Variants in FER1L5 observed in about 807,000 individuals in gnomAD.
FER1L5 encodes fer-1 like family member 5.
FER1L5 carries 187 observed loss-of-function variants against 279.9 expected under a neutral mutation model. That is an observed-to-expected ratio of 0.67 (90% CI 0.59 to 0.75). The LOEUF (loss-of-function observed/expected upper bound fraction) is 0.75. Among genes scored for constraint, FER1L5 ranks in the 30% least tolerant of loss-of-function variants. The probability of loss-of-function intolerance (pLI) is 0.00; values close to 1 mark genes in which losing one functional copy is unlikely to be tolerated. For missense variants in FER1L5, 2,091 were observed against 2,594.4 expected (o/e 0.81, Z 4.21); for synonymous variants, 921 against 989.7 (o/e 0.93, Z 1.30).
Position 96,694,049 on chromosome 2 carries a change from T to G in FER1L5, c.3613T>G (p.Cys1205Gly), listed in dbSNP as rs2077262778. ...GGAAGAGGGCGAGATCTTGGCATCC[T>G]GTGAGCTGATCCTCCAGACTGAGGT... ...GKEEGEILAS[C>G]ELILQTEKLG... The change falls in exon 33 of 53, where the codon TGT becomes GGT. Residue 1205 changes from cysteine to glycine, a missense_variant. Physicochemically the swap from Cys to Gly is radical, Grantham distance 159 (BLOSUM62 -3). Coordinates refer to ENST00000624922, the MANE Select transcript of FER1L5 (RefSeq NM_001293083.2). This position sits in a 1 kb window ranked among gnomAD's most constrained non-coding sequence, Gnocchi z 4.6. 1 of 1,544,596 alleles carries G rather than the reference T, an allele frequency of 6.5e-7. No homozygotes were observed. Among genetic ancestry groups the G allele is most frequent in the Admixed American group, 2.0e-5 (1 of 50,984 alleles).
At chr2:96,659,341 C>CTTT (rs2075763588) in intron 9 of FER1L5, among the ~76,000 whole-genome samples, 1 of 82,534 alleles carries the variant, frequency 1.2e-5, no homozygotes, top group Non-Finnish European at 2.3e-5. Context: ...TTCCTTCCTT[C>CTTT]CTTCCTTCCT....
In FER1L5 at chr2:96,702,943, C is replaced by T. The variant is rs961678466; in HGVS notation, c.5398-35C>T. On this transcript the variant is annotated intron_variant, in intron 48 of 52. Transcript: ENST00000624922. The surrounding 1 kb of genome is among the most constrained non-coding windows in gnomAD (Gnocchi z 4.0). ...GGGTGCAAGGGAAACGTCCAGGAGA[C>T]AGGCCGGTAACACGCCCTTCCGCCA... 1 of 1,587,734 alleles carries T rather than the reference C, an allele frequency of 6.3e-7. No homozygotes were observed. The highest frequency in any genetic ancestry group is 1.1e-5 in the South Asian group (1 of 87,472).
In FER1L5 at chr2:96,671,920, G is replaced by A. The variant is rs114380951; in HGVS notation, c.1492-1157G>A. 8.6e-4 allele frequency among the ~76,000 whole-genome samples: 131 copies of A among 152,242 alleles called. 1 individual carries two copies. The highest frequency in any genetic ancestry group is 3.1e-3 in the African/African-American group (129 of 41,538). On this transcript the variant is annotated intron_variant, in intron 18 of 52. Transcript: ENST00000624922. Reference sequence around the variant, plus strand: ...TCAGGAGAGAAGCTGGGCTGCCATAGATGGGAGGGAGAGGTAGGAGCCAGT... The same window carrying A: ...TCAGGAGAGAAGCTGGGCTGCCATAAATGGGAGGGAGAGGTAGGAGCCAGT...
chr2:96,703,140 T>C lies in FER1L5; in HGVS notation c.5498-13T>C. ...GGAGCTCCTTCTTGCTGATGTCATT[T>C]TTCTGGGCTCAGGGGTCCTGGAGCT... On this transcript the variant is annotated splice_polypyrimidine_tract_variant and intron_variant, in intron 49 of 52. Coordinates refer to ENST00000624922, the MANE Select transcript of FER1L5 (RefSeq NM_001293083.2). The C allele has an allele frequency of 6.2e-7, 1 of 1,612,636 alleles. No homozygotes were observed. The highest frequency in any genetic ancestry group is 8.5e-7 in the Non-Finnish European group (1 of 1,178,844).
intron 20 of FER1L5, 118 bp from the exon 21 acceptor site, chr2:96,685,210 AT>A (rs1313749058): frequency 1.1e-5 from 9 of 797,322 alleles, no homozygotes; most frequent in Non-Finnish European, 1.9e-5. Flanking sequence ...TCACCAGGTT[AT>A]CCCTCAAAGT....
chr2:96,656,130 A>G (rs2075588925), intron 9 of FER1L5, among the ~76,000 whole-genome samples: 1 of 152,132 alleles, frequency 6.6e-6, no homozygotes, highest in Non-Finnish European at 1.5e-5. Flanking sequence ...CTTCGCCTTC[A>G]CCGCTGGATT....
Position 96,702,784 on chromosome 2 carries a change from A to G in FER1L5, c.5397+43A>G, listed in dbSNP as rs1196836767. 2 of 1,606,214 alleles carry G rather than the reference A, an allele frequency of 1.2e-6. No individual in the cohort carries two copies. Among genetic ancestry groups the G allele is most frequent in the Admixed American group, 1.7e-5 (1 of 58,950 alleles). On this transcript the variant is annotated intron_variant, in intron 48 of 52. Transcript: ENST00000624922. The surrounding 1 kb of genome is among the most constrained non-coding windows in gnomAD (Gnocchi z 4.0). ...TGAGGGGCAACAGGCCACAACAAAC[A>G]GACCCAGGCTCCTGGAGCTCCTCCC...
At position 96,684,324 on chromosome 2, in the gene FER1L5, C is replaced by T; in HGVS notation, c.1670-3C>T. On this transcript the variant is annotated splice_region_variant and splice_polypyrimidine_tract_variant and intron_variant, in intron 19 of 52. Coordinates refer to ENST00000624922, the MANE Select transcript of FER1L5 (RefSeq NM_001293083.2). ...CATCCCTCCATGTGTCTCTGTGTCT[C>T]AGGGAACATCTACCATTATGTGCCC... 2 of 1,551,216 alleles carry T rather than the reference C, an allele frequency of 1.3e-6. No homozygotes were observed. Among genetic ancestry groups the T allele is most frequent in the Non-Finnish European group, 1.7e-6 (2 of 1,146,628 alleles).
intron 43 of FER1L5, 71 bp downstream of exon 43, chr2:96,699,791 G>A: frequency 6.3e-7 from 1 of 1,593,094 alleles, no homozygotes; most frequent in South Asian, 1.1e-5. Flanking sequence ...TCCCTTGGGA[G>A]AAGCCTGCAT....
rs2077074335 is a variant in FER1L5 at position 96,689,864 on chromosome 2, T to C, written c.2640+106T>C. 1 of 984,796 alleles carries C rather than the reference T, an allele frequency of 1.0e-6. No homozygotes were observed. Among genetic ancestry groups the C allele is most frequent in the Non-Finnish European group, 1.5e-6 (1 of 675,852 alleles). 61.0% of individuals were successfully genotyped at this position (984,796 alleles called of 1,614,324 possible). A position where few individuals can be genotyped will look rare whatever the true frequency, so the allele number is the denominator to read the frequency against. On this transcript the variant is annotated intron_variant, in intron 26 of 52. Coordinates refer to ENST00000624922, the MANE Select transcript of FER1L5 (RefSeq NM_001293083.2). This position sits in a 1 kb window ranked among gnomAD's most constrained non-coding sequence, Gnocchi z 4.6. ...TGGAAAGGGTCTGAGCCCTATGCCC[T>C]GCACTATGTGTGGGGCCCCGGGTGA... is the stretch of plus-strand genomic sequence containing the variant.
rs1206636189 is a variant in FER1L5 at position 96,670,208 on chromosome 2, C to T, written c.1452C>T (p.Ser484=). Reference sequence around the variant, plus strand: ...CCCAAATCAAGTCCTATCAAGACTCCACGATAAAGGATCTCTCCCATGAAG... The same window carrying T: ...CCCAAATCAAGTCCTATCAAGACTCTACGATAAAGGATCTCTCCCATGAAG... ...LITQIKSYQD[S]TIKDLSHEVT... The change falls in exon 18 of 53, where the codon TCC becomes TCT. Residue 484 remains serine, a synonymous_variant. Transcript: ENST00000624922. The T allele has an allele frequency of 1.9e-6, 3 of 1,551,524 alleles. No individual in the cohort carries two copies. In the Admixed American group the frequency reaches 5.9e-5, roughly 30 times the overall value.
In FER1L5 at chr2:96,695,676, G is replaced by T. The variant is rs759403651; in HGVS notation, c.3894+15G>T. ...TCCTCACAGTGGTAAGAGGCCCCAG[G>T]GCAGGGGCTGGGCAGCCCTCTTCTT... is the stretch of plus-strand genomic sequence containing the variant. On this transcript the variant is annotated intron_variant, in intron 35 of 52. Transcript: ENST00000624922. The T allele has an allele frequency of 1.6e-5, 25 of 1,605,082 alleles. No homozygotes were observed. Among genetic ancestry groups the T allele is most frequent in the Non-Finnish European group, 2.1e-5 (25 of 1,175,214 alleles).
chr2:96,660,963 C>T (rs2075932706), intron 10 of FER1L5, among the ~76,000 whole-genome samples: 1 of 152,144 alleles, frequency 6.6e-6, no homozygotes, highest in African/African-American at 2.4e-5. Context: ...TTTTTTGAGG[C>T]CAGTATTGGA....
chr2:96,671,530 G>A (rs1178840468), intron 18 of FER1L5, among the ~76,000 whole-genome samples: 1 of 152,230 alleles, frequency 6.6e-6, no homozygotes, highest in Admixed American at 6.5e-5. Context: ...GCAGATATGA[G>A]GGAAATGATG....
In FER1L5 at chr2:96,685,953, T is replaced by C; in HGVS notation, c.1909T>C (p.Cys637Arg). 6.5e-7 allele frequency: 1 copy of C among 1,545,020 alleles called. No homozygotes were observed. The highest frequency in any genetic ancestry group is 8.7e-7 in the Non-Finnish European group (1 of 1,143,678). Residue 637 changes from cysteine (C) to arginine (R), a missense_variant, in exon 22 of 53, where the codon TGC becomes CGC. Coordinates refer to ENST00000624922, the MANE Select transcript of FER1L5 (RefSeq NM_001293083.2). Reference sequence around the variant, plus strand: ...TCCTGGCCACAGGCGCCCTCTGCCCTGCATGACCTATCAGCCCAAAGCCAC... The same window carrying C: ...TCCTGGCCACAGGCGCCCTCTGCCCCGCATGACCTATCAGCCCAAAGCCAC... ...LAEDCKRPLP[C>R]MTYQPKATSL...
rs769875553 is a variant in FER1L5 at position 96,702,383 on chromosome 2, G to A, written c.5237G>A (p.Ser1746Asn). 1 of 1,612,328 alleles carries A rather than the reference G, an allele frequency of 6.2e-7. No individual in the cohort carries two copies. The highest frequency in any genetic ancestry group is 1.1e-5 in the South Asian group (1 of 90,520). The part of the protein sequence containing the change: ...VDDNLSREKT[S>N]DIYIKGWLYG... Reference sequence around the variant, plus strand: ...GACAATTTAAGTAGAGAGAAGACGAGCGACATCTACATCAAAGGGTAGGGA... The same window carrying A: ...GACAATTTAAGTAGAGAGAAGACGAACGACATCTACATCAAAGGGTAGGGA... Residue 1746 changes from serine to asparagine, a missense_variant, in exon 47 of 53, where the codon AGC (serine) becomes AAC (asparagine). By Grantham distance (46) the Ser-to-Asn change is conservative. Coordinates refer to ENST00000624922, the MANE Select transcript of FER1L5 (RefSeq NM_001293083.2). The surrounding 1 kb of genome is among the most constrained non-coding windows in gnomAD (Gnocchi z 4.0).
rs1196948392 is a variant in FER1L5 at position 96,691,602 on chromosome 2, AG to A, written c.3069del (p.Ser1024ProfsTer6). On this transcript the variant is annotated frameshift_variant, in exon 29 of 53. Transcript: ENST00000624922. LOFTEE classifies it high-confidence loss of function. This position sits in a 1 kb window ranked among gnomAD's most constrained non-coding sequence, Gnocchi z 6.0. ...GGCATCGCGCCCATATTCCTCCTGG[AG>A]GGGTCCTTGGTAAAGCCTCACAGGC... ...DKGIAPIFLL[E>X]GSLAMDLKYH... 37 of 1,528,552 alleles carry A rather than the reference AG, an allele frequency of 2.4e-5. No individual in the cohort carries two copies. Among genetic ancestry groups the A allele is most frequent in the Non-Finnish European group, 3.2e-5 (36 of 1,135,678 alleles). 94.7% of individuals were successfully genotyped at this position (1,528,552 alleles called of 1,614,324 possible). A position where few individuals can be genotyped will look rare whatever the true frequency, so the allele number is the denominator to read the frequency against.
chr2:96,685,997 G>T lies in FER1L5; in HGVS notation c.1953G>T (p.Arg651Ser). The T allele has an allele frequency of 6.4e-7, 1 of 1,551,344 alleles. No individual in the cohort carries two copies. Among genetic ancestry groups the T allele is most frequent in the Non-Finnish European group, 8.7e-7 (1 of 1,146,882 alleles). Residue 651 changes from arginine (R) to serine (S), a missense_variant, in exon 22 of 53, where the codon AGG becomes AGT. By Grantham distance (110) the Arg-to-Ser change is moderately radical (BLOSUM62 -1). Coordinates refer to ENST00000624922, the MANE Select transcript of FER1L5 (RefSeq NM_001293083.2). ...QPKATSLDRK[R>S]WQLRSLLLQE... Reference sequence around the variant, plus strand: ...AAGCCACCAGCCTGGACAGGAAGAGGTGGCAGCTCCGCAGCCTCCTCCTGC... The same window carrying T: ...AAGCCACCAGCCTGGACAGGAAGAGTTGGCAGCTCCGCAGCCTCCTCCTGC...
Position 96,695,537 on chromosome 2 carries a change from A to G in FER1L5, c.3770A>G (p.Lys1257Arg). 1 of 1,593,870 alleles carries G rather than the reference A, an allele frequency of 6.3e-7. No individual in the cohort carries two copies. Among genetic ancestry groups the G allele is most frequent in the Middle Eastern group, 1.7e-4 (1 of 6,026 alleles). Residue 1257 changes from lysine (K) to arginine (R), a missense_variant, in exon 35 of 53, where the codon AAG becomes AGG. By Grantham distance (26) the Lys-to-Arg change is conservative (BLOSUM62 2). Coordinates refer to ENST00000624922, the MANE Select transcript of FER1L5 (RefSeq NM_001293083.2). ...EILAWGLRNM[K>R]KASSPQLLVE... Reference sequence around the variant, plus strand: ...CTGGCCTGGGGCCTTCGGAACATGAAGAAGGCGAGCTCCCCCCAGCTCCTG... The same window carrying G: ...CTGGCCTGGGGCCTTCGGAACATGAGGAAGGCGAGCTCCCCCCAGCTCCTG...
Sources: allele counts gnomAD v4.1 joint callset (sites outside exome capture counted in the v4.1 genomes callset), GRCh38; gene constraint gnomAD v4.1.1; non-coding constraint Gnocchi (gnomAD v3.1); transcripts MANE v1.5; gene names NCBI Gene and HGNC (gene_info 2026-07-23, HGNC 2026-07-21).